The following RASGRF1 variants were observed in gnomAD, a reference collection of about 807,000 sequenced individuals.
RASGRF1 encodes ras-specific guanine nucleotide-releasing factor 1.
Under a neutral mutation model 138.7 loss-of-function variants are expected in RASGRF1, and 40 were observed. That is an observed-to-expected ratio of 0.29 (90% confidence interval 0.22 to 0.38). RASGRF1 has a LOEUF of 0.38. Ranked by LOEUF, RASGRF1 falls within the 10% of genes least tolerant of loss-of-function variation. The probability of loss-of-function intolerance (pLI) is 1.00; values close to 1 mark genes in which losing one functional copy is unlikely to be tolerated. For synonymous variants in RASGRF1, 614 were observed against 663.2 expected, an observed-to-expected ratio of 0.93 and a Z score of 1.14; for missense variants, 1,108 against 1,650.4, an observed-to-expected ratio of 0.67 and a Z score of 5.69.
chr15:78,971,018 C>T (rs978693595), intron 26 of RASGRF1, among the ~76,000 whole-genome samples: 6 of 152,110 alleles, frequency 3.9e-5, no homozygotes, highest in Non-Finnish European at 7.4e-5. Context: ...TGCAGCCAGC[C>T]ATTTGGTGGT....
rs148346041 is a variant in RASGRF1, at chr15:79,081,886, C to G, written c.276+8337G>C. On this transcript the variant is annotated intron_variant, in intron 1 of 26. Coordinates refer to ENST00000558480, the MANE Select transcript of RASGRF1 (RefSeq NM_001145648.3). ...GACACTTTAGCCTTTAAAATCCTCT[C>G]CCTTGTTAATTCCAGGGAAGCCTAG... Among the ~76,000 whole-genome samples, 1,047 of 152,328 alleles carry G rather than the reference C, an allele frequency of 6.9e-3. 11 individuals are homozygous for G. The highest frequency in any genetic ancestry group is 0.024 in the African/African-American group (1,014 of 41,582).
intron 17 of RASGRF1, among the ~76,000 whole-genome samples, chr15:78,999,511 C>T (rs184392321): frequency 1.5e-4 from 23 of 152,198 alleles, no homozygotes; most frequent in African/African-American, 4.6e-4. Flanking sequence ...AAGTGGAAGG[C>T]GGTGCCCAAG....
intron 1 of RASGRF1, among the ~76,000 whole-genome samples, chr15:79,065,740 C>T (rs954023955): frequency 6.6e-6 from 1 of 152,040 alleles, no homozygotes; most frequent in African/African-American, 2.4e-5. Flanking sequence ...ACGGGCCAGC[C>T]ATGGTGTGAC....
In RASGRF1 at chr15:79,028,325, C is replaced by T. The variant is rs188767570; in HGVS notation, c.1263-466G>A. ...CTCAGGGCCTTTGCACTTGCTGTCT[C>T]TTCTTCTTGAATGCTCTTTCTCCAA... On this transcript the variant is annotated intron_variant, in intron 8 of 26. Coordinates refer to ENST00000558480, the MANE Select transcript of RASGRF1 (RefSeq NM_001145648.3). Among the ~76,000 whole-genome samples the T allele has an allele frequency of 2.4e-3, 369 of 152,274 alleles. 1 individual carries two copies. Among genetic ancestry groups the T allele is most frequent in the African/African-American group, 8.5e-3 (354 of 41,562 alleles).
intron 25 of RASGRF1, 77 bp from the exon 26 acceptor site, chr15:78,972,011 C>T (rs2055770623): frequency 8.1e-7 from 1 of 1,237,372 alleles, no homozygotes; most frequent in African/African-American, 1.5e-5. Flanking sequence ...GCTGAAGGGG[C>T]ATCAACAACT....
At chr15:79,036,047 T>C (rs968783384) in intron 5 of RASGRF1, among the ~76,000 whole-genome samples, 3 of 152,218 alleles carry the variant, frequency 2.0e-5, no homozygotes, top group African/African-American at 7.2e-5. Context: ...TTCCATCCAC[T>C]GCTCCCCAAG....
intron 10 of RASGRF1, 67 bp from the exon 11 acceptor site, chr15:79,020,171 TGATAG>T: frequency 6.7e-7 from 1 of 1,483,938 alleles, no homozygotes; most frequent in Non-Finnish European, 9.4e-7. Context: ...AGTCCCTGGA[TGATAG>T]GGTTGGAGGG....
rs1240445998 is a variant in RASGRF1, at chr15:79,027,465, C to T, written c.1381+276G>A. Among the ~76,000 whole-genome samples, 4 of 152,208 alleles carry T rather than the reference C, an allele frequency of 2.6e-5. No individual in the cohort carries two copies. The highest frequency in any genetic ancestry group is 9.7e-5 in the African/African-American group (4 of 41,440). ...ACATGTCGATGTTTACTATGACATA[C>T]AATAGACAAACCAAGGCCATCTGGG... On this transcript the variant is annotated intron_variant, in intron 9 of 26. Transcript: ENST00000558480. The surrounding 1 kb of genome is among the most constrained non-coding windows in gnomAD (Gnocchi z 4.8).
intron 3 of RASGRF1, 82 bp downstream of exon 3, chr15:79,058,252 A>C: frequency 6.5e-7 from 1 of 1,537,986 alleles, no homozygotes; most frequent in Non-Finnish European, 8.8e-7. Context: ...CCTGCCTGTC[A>C]TGTGGCTCCC....
intron 18 of RASGRF1, among the ~76,000 whole-genome samples, chr15:78,998,510 T>C (rs1222766018): frequency 6.6e-6 from 1 of 152,206 alleles, no homozygotes; most frequent in Non-Finnish European, 1.5e-5. Context: ...CAGAGACCCA[T>C]TGTCCCTTCC....
chr15:78,981,681 G>A (rs1420918786), intron 23 of RASGRF1: 2 of 152,286 alleles, frequency 1.3e-5, no homozygotes, highest in Non-Finnish European at 2.9e-5. Flanking sequence ...AAGAAGGGCT[G>A]AGCGTACCAT....
At chr15:79,049,616 G>T (rs1205063091) in intron 3 of RASGRF1, 28 bp from the exon 4 acceptor site, 1 of 1,595,710 alleles carries the variant, frequency 6.3e-7, no homozygotes, top group Non-Finnish European at 8.6e-7. Context: ...GTCAGCCTGT[G>T]AGGGGCGCTG....
rs755006661 is a variant in RASGRF1 at position 79,004,173 on chromosome 15, G to A, written c.2078C>T (p.Ser693Leu). The change falls in exon 15 of 27, where the codon TCG (serine) becomes TTG (leucine). Residue 693 changes from serine to leucine, a missense_variant and splice_region_variant. Coordinates refer to ENST00000558480, the MANE Select transcript of RASGRF1 (RefSeq NM_001145648.3). ...GCCACTGGCAAACAGGAGCTCCAGCGACCTGTGGGGAGGGCGGGGGTGAAA... is the reference window on the plus strand; with the variant it reads ...GCCACTGGCAAACAGGAGCTCCAGCAACCTGTGGGGAGGGCGGGGGTGAAA... The part of the protein sequence containing the change: ...KKPISAIPAR[S>L]LELLFASGQN... 1.9e-6 allele frequency: 3 copies of A among 1,570,754 alleles called. No individual in the cohort carries two copies. The highest frequency in any genetic ancestry group is 2.6e-6 in the Non-Finnish European group (3 of 1,156,246).
At chr15:78,991,124 TTA>T (rs1856919019) in intron 21 of RASGRF1, among the ~76,000 whole-genome samples, 1 of 152,274 alleles carries the variant, frequency 6.6e-6, no homozygotes, top group Admixed American at 6.5e-5. Flanking sequence ...CTCTCGTGGC[TTA>T]GTAACACACT....
chr15:78,979,112 A>G (rs1174574344), intron 24 of RASGRF1: 1 of 1,289,870 alleles, frequency 7.8e-7, no homozygotes, highest in Non-Finnish European at 1.0e-6. Flanking sequence ...GAATGCACGG[A>G]GGGGGCAGCT....
chr15:79,016,678 A>G (rs1195943091), intron 12 of RASGRF1, among the ~76,000 whole-genome samples: 1 of 152,198 alleles, frequency 6.6e-6, no homozygotes, highest in Non-Finnish European at 1.5e-5. Flanking sequence ...ACATGTGGGA[A>G]GACTCAGAAC....
chr15:79,066,334 C>A (rs1457139340), intron 1 of RASGRF1, among the ~76,000 whole-genome samples: 1 of 152,190 alleles, frequency 6.6e-6, no homozygotes, highest in Non-Finnish European at 1.5e-5. Context: ...CTGCACTGGG[C>A]AACTGCCGCC....
In RASGRF1 at chr15:79,049,573, T is replaced by C. The variant is rs780162412; in HGVS notation, c.547A>G (p.Lys183Glu). Residue 183 changes from lysine to glutamate, a missense_variant, in exon 4 of 27, where the codon AAG becomes GAG. Around this residue, in one of 3 missense-constraint regions of RASGRF1, gnomAD observed 253 missense variants for 329.5 expected, o/e 0.77. Transcript: ENST00000558480. Reference protein sequence around the residue: ...RLKAEITSLLKDNERIQSTQT... With the variant: ...RLKAEITSLLEDNERIQSTQT... ...GTGGACTGGATGCGCTCATTGTCCT[T>C]GAGCAGGGATGTGATCTGCAACAGC... 10 of 1,613,412 alleles carry C rather than the reference T, an allele frequency of 6.2e-6. No homozygotes were observed. Among genetic ancestry groups the C allele is most frequent in the Non-Finnish European group, 7.6e-6 (9 of 1,179,726 alleles).
At position 78,961,505 on chromosome 15, in the gene RASGRF1, G is replaced by C; in HGVS notation, c.*639C>G. ...CTATCTGGTGTTAATCCTAGAGCAA[G>C]GAGCGACGTGGGGCCTGAACGAGAT... is the stretch of plus-strand genomic sequence containing the variant. On this transcript the variant is annotated 3_prime_UTR_variant, in exon 27 of 27. Transcript: ENST00000558480. 1 of 152,376 alleles carries C rather than the reference G, an allele frequency of 6.6e-6. No individual in the cohort carries two copies. The highest frequency in any genetic ancestry group is 1.5e-5 in the Non-Finnish European group (1 of 68,196). The allele number at this position is 152,376 out of a possible 1,614,324, so 9.4% of individuals were successfully genotyped here.
Sources: gnomAD v4.1 joint callset for allele counts (sites outside exome capture counted in the v4.1 genomes callset) on GRCh38, gnomAD v4.1.1 for gene constraint, gnomAD v4.1.1 regional missense constraint, Gnocchi (gnomAD v3.1) non-coding constraint, MANE v1.5 for transcripts, NCBI Gene and HGNC (gene_info 2026-07-23, HGNC 2026-07-21) for gene names.